UBR2: variants seen among roughly 807,000 people sequenced by gnomAD.
UBR2 encodes the protein E3 ubiquitin-protein ligase UBR2.
A neutral mutation model predicts 247.9 loss-of-function variants in UBR2; 92 were observed. The ratio of observed to expected loss-of-function variants is 0.37; its 90% confidence interval spans 0.31 to 0.44. The LOEUF (loss-of-function observed/expected upper bound fraction) is 0.44, where lower values mean the gene tolerates loss of function less well. Ranked by LOEUF, UBR2 falls within the 20% of genes least tolerant of loss-of-function variation. The pLI is 1.00. For missense variants in UBR2, 1,613 were observed against 2,112.6 expected, an observed-to-expected ratio of 0.76 and a Z score of 4.64; for synonymous variants, 672 against 693.5, an observed-to-expected ratio of 0.97 and a Z score of 0.49.
intron 14 of UBR2, among the ~76,000 whole-genome samples, chr6:42,636,293 C>T (rs1166092390): frequency 6.6e-6 from 1 of 151,514 alleles, no homozygotes. Context: ...ATCCTCCCAC[C>T]TCAGCCTCCC....
intron 25 of UBR2, among the ~76,000 whole-genome samples, chr6:42,654,726 A>T (rs1265225099): frequency 1.3e-5 from 2 of 152,228 alleles, no homozygotes; most frequent in African/African-American, 4.8e-5. Context: ...CGTCTCAAAA[A>T]ACAAAAAAAC....
At chr6:42,678,754 A>G in intron 41 of UBR2, 85 bp downstream of exon 41, 1 of 1,472,142 alleles carries the variant, frequency 6.8e-7, no homozygotes, top group Non-Finnish European at 9.2e-7. Flanking sequence ...AAAAATGAAA[A>G]TTGACTAAAA....
At chr6:42,613,015 C>G (rs1233593935) in intron 8 of UBR2, among the ~76,000 whole-genome samples, 1 of 152,014 alleles carries the variant, frequency 6.6e-6, no homozygotes, top group Non-Finnish European at 1.5e-5. Context: ...GCAGGAGAAT[C>G]ACTTGAACCC....
chr6:42,564,032 G>C lies in UBR2; in HGVS notation c.-288G>C, dbSNP rs1296028564. On this transcript the variant is annotated 5_prime_UTR_variant, in exon 1 of 47. Coordinates refer to ENST00000372901, the MANE Select transcript of UBR2 (RefSeq NM_001363705.2). Reference sequence around the variant, plus strand: ...CCCTTTCCTGGTGCAGGACGCGGTAGTGGCCAGCGAGAGTGTCAGGCCTGG... The same window carrying C: ...CCCTTTCCTGGTGCAGGACGCGGTACTGGCCAGCGAGAGTGTCAGGCCTGG... 1 of 471,928 alleles carries C rather than the reference G, an allele frequency of 2.1e-6. No individual in the cohort carries two copies. Among genetic ancestry groups the C allele is most frequent in the African/African-American group, 2.0e-5 (1 of 49,078 alleles). The allele number at this position is 471,928 out of a possible 1,614,324, so 29.2% of individuals were successfully genotyped here. A position where few individuals can be genotyped will look rare whatever the true frequency, so the allele number is the denominator to read the frequency against.
At chr6:42,608,774 A>G (rs1793876913) in intron 7 of UBR2, among the ~76,000 whole-genome samples, 1 of 152,162 alleles carries the variant, frequency 6.6e-6, no homozygotes, top group South Asian at 2.1e-4. Flanking sequence ...TCTTTTTGGC[A>G]AATTTCCTAT....
chr6:42,595,571 C>G (rs886245545), intron 4 of UBR2, among the ~76,000 whole-genome samples: 4 of 151,976 alleles, frequency 2.6e-5, no homozygotes, highest in African/African-American at 9.7e-5. Context: ...ATGGCAAAAC[C>G]CCATCCCTAC....
At chr6:42,661,494 G>A (rs1209533938) in intron 30 of UBR2, among the ~76,000 whole-genome samples, 2 of 152,146 alleles carry the variant, frequency 1.3e-5, no homozygotes, top group Non-Finnish European at 2.9e-5. Flanking sequence ...TCTTTCTAGA[G>A]TGTTAGGAAA....
At chr6:42,664,227 C>G (rs1219189245) in intron 32 of UBR2, 1 of 152,086 alleles carries the variant, frequency 6.6e-6, no homozygotes, top group African/African-American at 2.4e-5. Flanking sequence ...ATGGCTCTTT[C>G]ACAAGGATGA....
At chr6:42,594,990 A>G (rs1033492987) in intron 4 of UBR2, among the ~76,000 whole-genome samples, 1 of 152,152 alleles carries the variant, frequency 6.6e-6, no homozygotes, top group African/African-American at 2.4e-5. Flanking sequence ...GCTACAATAG[A>G]TTATGTTTTA....
Position 42,659,253 on chromosome 6 carries a change from C to T in UBR2, c.3243-403C>T, listed in dbSNP as rs563796028. On this transcript the variant is annotated intron_variant, in intron 29 of 46. Coordinates refer to ENST00000372901, the MANE Select transcript of UBR2 (RefSeq NM_001363705.2). The surrounding 1 kb of genome is among the most constrained non-coding windows in gnomAD (Gnocchi z 4.3). ...GCTCACGCCTGTAATCCCAGCACTTCGGGAGGCCAAGGCGGGCGGATCACA... is the reference window on the plus strand; with the variant it reads ...GCTCACGCCTGTAATCCCAGCACTTTGGGAGGCCAAGGCGGGCGGATCACA... Among the ~76,000 whole-genome samples the T allele has an allele frequency of 7.9e-5, 12 of 151,902 alleles. No homozygotes were observed. The highest frequency in any genetic ancestry group is 3.9e-4 in the East Asian group (2 of 5,172).
chr6:42,583,038 C>T (rs1792010480), intron 2 of UBR2, among the ~76,000 whole-genome samples: 1 of 151,980 alleles, frequency 6.6e-6, no homozygotes, highest in South Asian at 2.1e-4. Flanking sequence ...TTTTGGAGTT[C>T]TTTATTCTGA....
At position 42,652,600 on chromosome 6, in the gene UBR2, T is replaced by C. The variant is rs1797188809; in HGVS notation, c.2724T>C (p.Ala908=). ...LCIMGTILQW[A]VEHNGYAWSE... ...TCATGGGAACAATTCTGCAATGGGC[T>C]GTGGAACATAATGGATATGCCTGGT... The change falls in exon 25 of 47, where the codon GCT becomes GCC. Residue 908 remains alanine, a synonymous_variant. Coordinates refer to ENST00000372901, the MANE Select transcript of UBR2 (RefSeq NM_001363705.2). 6.2e-7 allele frequency: 1 copy of C among 1,613,734 alleles called. No homozygotes were observed. Among genetic ancestry groups the C allele is most frequent in the Non-Finnish European group, 8.5e-7 (1 of 1,179,954 alleles).
chr6:42,682,977 T>G, intron 42 of UBR2, 78 bp from the exon 43 acceptor site: 3 of 1,201,710 alleles, frequency 2.5e-6, no homozygotes, highest in Non-Finnish European at 3.6e-6. Flanking sequence ...TTCCTCTTAT[T>G]GGCTATGGAG....
chr6:42,644,399 A>G (rs1488457806), intron 19 of UBR2, 63 bp downstream of exon 19: 2 of 1,604,322 alleles, frequency 1.2e-6, no homozygotes, highest in African/African-American at 2.7e-5. Flanking sequence ...TTCTTTTTGG[A>G]TATGTTAATC....
intron 22 of UBR2, among the ~76,000 whole-genome samples, chr6:42,649,334 A>G (rs567760560): frequency 1.3e-5 from 2 of 152,216 alleles, no homozygotes; most frequent in East Asian, 3.9e-4. Flanking sequence ...GTAGTCATGT[A>G]CTGTAATGTA....
At chr6:42,617,557 C>T in intron 11 of UBR2, 50 bp downstream of exon 11, 1 of 1,490,984 alleles carries the variant, frequency 6.7e-7, no homozygotes, top group Non-Finnish European at 9.1e-7. Context: ...TTAACAGAGG[C>T]CTTAAAATAA....
chr6:42,636,342 C>G (rs1796095107), intron 14 of UBR2, among the ~76,000 whole-genome samples: 1 of 152,018 alleles, frequency 6.6e-6, no homozygotes, highest in African/African-American at 2.4e-5. Context: ...CCACACCTGG[C>G]TAATTTTTCT....
chr6:42,683,579 T>C (rs1451388767), intron 43 of UBR2, among the ~76,000 whole-genome samples: 1 of 152,218 alleles, frequency 6.6e-6, no homozygotes, highest in Admixed American at 6.5e-5. Flanking sequence ...TAAAGTGTGC[T>C]CTACCAGATC....
chr6:42,639,985 G>T (rs1796325462), intron 15 of UBR2, among the ~76,000 whole-genome samples: 1 of 152,056 alleles, frequency 6.6e-6, no homozygotes. Flanking sequence ...CCAAGATCGC[G>T]CCACTGCACT....
Sources: allele counts gnomAD v4.1 joint callset (sites outside exome capture counted in the v4.1 genomes callset), GRCh38; gene constraint gnomAD v4.1.1; non-coding constraint Gnocchi (gnomAD v3.1); transcripts MANE v1.5; gene names NCBI Gene and HGNC (gene_info 2026-07-23, HGNC 2026-07-21).